The following DLG2 variants were observed in gnomAD, a reference collection of about 807,000 sequenced individuals.
DLG2 encodes discs large MAGUK scaffold protein 2, also known as disks large homolog 2.
A neutral mutation model predicts 132.5 loss-of-function variants in DLG2; 45 were observed. That is an observed-to-expected ratio of 0.34 (90% confidence interval 0.27 to 0.44). DLG2 has a LOEUF of 0.44. DLG2 is among the 20% of genes least tolerant of loss of function. The probability of loss-of-function intolerance (pLI) is 1.00; values close to 1 mark genes in which losing one functional copy is unlikely to be tolerated. For missense variants in DLG2, 1,045 were observed against 1,196.9 expected (o/e 0.87, Z 1.87); for synonymous variants, 424 against 419.6 (o/e 1.01, Z -0.13).
chr11:83,685,723 G>T (rs1328216320), intron 18 of DLG2, among the ~76,000 whole-genome samples: 1 of 148,524 alleles, frequency 6.7e-6, no homozygotes, highest in Admixed American at 6.7e-5. Context: ...TGTGCTCTAA[G>T]CTCCAGACTC....
chr11:83,537,068 C>T (rs2095897478), intron 20 of DLG2, among the ~76,000 whole-genome samples: 1 of 152,162 alleles, frequency 6.6e-6, no homozygotes, highest in Non-Finnish European at 1.5e-5. Flanking sequence ...TAGACTCAAG[C>T]AATTAATTAG....
At chr11:84,050,308 C>A (rs2096342650) in intron 11 of DLG2, among the ~76,000 whole-genome samples, 1 of 151,850 alleles carries the variant, frequency 6.6e-6, no homozygotes, top group Non-Finnish European at 1.5e-5. Flanking sequence ...CGACAGGCTG[C>A]ATAAATGTCT....
At chr11:85,529,606 T>C (rs1357903914) in intron 3 of DLG2, among the ~76,000 whole-genome samples, 1 of 152,168 alleles carries the variant, frequency 6.6e-6, no homozygotes, top group Non-Finnish European at 1.5e-5. Flanking sequence ...ACAAGTCTAC[T>C]CAGACTCTTC....
chr11:83,509,037 TG>T (rs2094878761), intron 21 of DLG2, among the ~76,000 whole-genome samples: 1 of 152,230 alleles, frequency 6.6e-6, no homozygotes, highest in Non-Finnish European at 1.5e-5. Context: ...TAATATAGTT[TG>T]TTCAAATGTA....
At chr11:85,463,784 T>C (rs1335776074) in intron 3 of DLG2, among the ~76,000 whole-genome samples, 1 of 151,728 alleles carries the variant, frequency 6.6e-6, no homozygotes, top group East Asian at 1.9e-4. Flanking sequence ...ATTTAAAAAT[T>C]TTAAAAAACC....
chr11:85,559,817 T>C (rs920484556), intron 3 of DLG2, among the ~76,000 whole-genome samples: 7 of 118,116 alleles, frequency 5.9e-5, no homozygotes, highest in Admixed American at 3.5e-4. Context: ...AGTTAGATGA[T>C]TGATAGATAG....
chr11:83,455,859 G>A lies in DLG2; in HGVS notation c.*3959C>T, dbSNP rs1565273647. ...AGGGAATTGATCTTTTTCCCTCTAG[G>A]AGTAACAAATTAATGTGATCAACTT... On this transcript the variant is annotated 3_prime_UTR_variant, in exon 28 of 28. Coordinates refer to ENST00000376104, the MANE Select transcript of DLG2 (RefSeq NM_001142699.3). 1 of 152,398 alleles carries A rather than the reference G, an allele frequency of 6.6e-6. No individual in the cohort carries two copies. The highest frequency in any genetic ancestry group is 2.4e-5 in the African/African-American group (1 of 41,424). The allele number at this position is 152,398 out of a possible 1,614,324, so 9.4% of individuals were successfully genotyped here. A position where few individuals can be genotyped will look rare whatever the true frequency, so the allele number is the denominator to read the frequency against.
chr11:85,328,746 T>G (rs1253676392), intron 3 of DLG2, among the ~76,000 whole-genome samples: 2 of 151,080 alleles, frequency 1.3e-5, no homozygotes, highest in Non-Finnish European at 1.5e-5. Flanking sequence ...ACCGCTCCTA[T>G]TCAACATAGT....
intron 3 of DLG2, among the ~76,000 whole-genome samples, chr11:85,594,077 A>C: frequency 6.6e-6 from 1 of 152,218 alleles, no homozygotes; most frequent in East Asian, 1.9e-4. Context: ...GGGATATAAA[A>C]AGGGGCAGAA....
At chr11:84,372,102 C>T (rs1182850918) in intron 7 of DLG2, among the ~76,000 whole-genome samples, 1 of 152,048 alleles carries the variant, frequency 6.6e-6, no homozygotes, top group African/African-American at 2.4e-5. Flanking sequence ...TGAAGACATA[C>T]CAAACAGTAT....
chr11:84,191,769 C>T (rs1049618185), intron 8 of DLG2, among the ~76,000 whole-genome samples: 4 of 152,106 alleles, frequency 2.6e-5, no homozygotes, highest in Admixed American at 1.3e-4. Flanking sequence ...CAGTCTGTTA[C>T]GCAAAGCCAC....
intron 19 of DLG2, among the ~76,000 whole-genome samples, chr11:83,580,717 G>C (rs2096955600): frequency 6.6e-6 from 1 of 152,090 alleles, no homozygotes; most frequent in Admixed American, 6.5e-5. Context: ...AGGAATTGCT[G>C]TGTTCTTACA....
intron 6 of DLG2, among the ~76,000 whole-genome samples, chr11:84,535,351 G>A (rs2099352826): frequency 6.6e-6 from 1 of 152,202 alleles, no homozygotes; most frequent in Non-Finnish European, 1.5e-5. Context: ...ACAATTTTTA[G>A]AAGCAGAGCT....
At chr11:84,937,253 T>A (rs1188312080) in intron 6 of DLG2, among the ~76,000 whole-genome samples, 1 of 152,068 alleles carries the variant, frequency 6.6e-6, no homozygotes, top group Non-Finnish European at 1.5e-5. Context: ...ACTTACTACA[T>A]CCCAGGCTTT....
intron 22 of DLG2, among the ~76,000 whole-genome samples, chr11:83,474,707 G>C (rs188821453): frequency 1.1e-4 from 16 of 152,212 alleles, no homozygotes; most frequent in African/African-American, 3.9e-4. Context: ...TTTCAGTCAT[G>C]GGAAACAGGA....
At chr11:85,509,097 C>T (rs2093999644) in intron 3 of DLG2, among the ~76,000 whole-genome samples, 1 of 151,994 alleles carries the variant, frequency 6.6e-6, no homozygotes, top group Admixed American at 6.6e-5. Context: ...GATTTTGAAG[C>T]TCATGATTTC....
intron 6 of DLG2, among the ~76,000 whole-genome samples, chr11:84,784,978 G>T (rs1488587205): frequency 6.6e-6 from 1 of 152,132 alleles, no homozygotes; most frequent in African/African-American, 2.4e-5. Context: ...ATAACTATGT[G>T]AGGTAATGCA....
intron 6 of DLG2, among the ~76,000 whole-genome samples, chr11:84,910,651 G>A (rs1009561224): frequency 2.0e-5 from 3 of 152,114 alleles, no homozygotes; most frequent in Non-Finnish European, 2.9e-5. Context: ...AGTGGCTCAC[G>A]CCTATAATCC....
At position 84,042,385 on chromosome 11, in the gene DLG2, T is replaced by A. The variant is rs1027631895; in HGVS notation, c.919+16930A>T. On this transcript the variant is annotated intron_variant, in intron 11 of 27. Coordinates refer to ENST00000376104, the MANE Select transcript of DLG2 (RefSeq NM_001142699.3). ...TCTCATTATTGTTCTTTTTATAAAT[T>A]TTCCTTGCTATTATTGCTCATTAAT... 7.9e-5 allele frequency among the ~76,000 whole-genome samples: 12 copies of A among 151,850 alleles called. 1 individual carries two copies. Among genetic ancestry groups the A allele is most frequent in the Non-Finnish European group, 1.6e-4 (11 of 67,896 alleles).
Sources: gnomAD v4.1 joint callset for allele counts (sites outside exome capture counted in the v4.1 genomes callset) on GRCh38, gnomAD v4.1.1 for gene constraint, MANE v1.5 for transcripts, NCBI Gene and HGNC (gene_info 2026-07-23, HGNC 2026-07-21) for gene names.